ZW10: variants seen among roughly 807,000 people sequenced by gnomAD.
The protein encoded by ZW10 is centromere/kinetochore protein zw10 homolog.
ZW10 carries 53 observed loss-of-function variants against 87.8 expected under a neutral mutation model. That is an observed-to-expected ratio of 0.60 (90% CI 0.48 to 0.76). ZW10 has a LOEUF of 0.76. Among genes scored for constraint, ZW10 ranks in the 30% least tolerant of loss-of-function variants. ZW10 has a pLI of 0.00. For missense variants in ZW10, 837 were observed against 923.0 expected, an observed-to-expected ratio of 0.91 and a Z score of 1.21; for synonymous variants, 312 against 329.2, an observed-to-expected ratio of 0.95 and a Z score of 0.57.
At chr11:113,760,962 C>G (rs757070329) in intron 2 of ZW10, 44 bp from the exon 3 acceptor site, 64 of 1,493,342 alleles carry the variant, frequency 4.3e-5, no homozygotes, top group Non-Finnish European at 5.8e-5. Context: ...CTATACCATA[C>G]CTAAGAAATA....
In ZW10 at chr11:113,748,251, C is replaced by T; in HGVS notation, c.1089+6G>A. The T allele has an allele frequency of 6.2e-7, 1 of 1,607,152 alleles. No individual in the cohort carries two copies. The highest frequency in any genetic ancestry group is 8.5e-7 in the Non-Finnish European group (1 of 1,177,984). On this transcript the variant is annotated splice_donor_region_variant and intron_variant, in intron 8 of 15. Transcript: ENST00000200135. ...TAAAACCTTCTGTGCTGTCTGGGCT[C>T]TTTACCTCTTCATATTGCTGTAATT...
At chr11:113,739,681 T>C (rs150127789) in intron 11 of ZW10, among the ~76,000 whole-genome samples, 1 of 152,312 alleles carries the variant, frequency 6.6e-6, no homozygotes. Flanking sequence ...CTATGCATAA[T>C]AATGTCCTTG....
At chr11:113,736,274 C>CA (rs113525581) in intron 15 of ZW10, among the ~76,000 whole-genome samples, 69 of 136,430 alleles carry the variant, frequency 5.1e-4, no homozygotes, top group East Asian at 1.1e-3. Context: ...GACCATGTCT[C>CA]AAAAAAAAAA....
chr11:113,738,515 GATA>G, intron 12 of ZW10, 121 bp from the exon 13 acceptor site: 1 of 940,628 alleles, frequency 1.1e-6, no homozygotes, highest in Non-Finnish European at 1.5e-6. Flanking sequence ...ATAATTGCTA[GATA>G]ATATCATAAA....
In ZW10 at chr11:113,760,578, T is replaced by C. The variant is rs771093818; in HGVS notation, c.355A>G (p.Ile119Val). 3 of 1,612,222 alleles carry C rather than the reference T, an allele frequency of 1.9e-6. No individual in the cohort carries two copies. Among genetic ancestry groups the C allele is most frequent in the Non-Finnish European group, 2.5e-6 (3 of 1,178,878 alleles). ...LKQLQEFSTA[I>V]EEYNCALTEK... is the part of the protein sequence containing the mutation. ...GTTAATGCACAATTATATTCTTCAA[T>C]AGCAGTGGAAAACTGAAAAGTTAAG... The change falls in exon 4 of 16, where the codon ATT becomes GTT. Residue 119 changes from isoleucine (I) to valine (V), a missense_variant. Ile to Val is a conservative substitution (Grantham distance 29, BLOSUM62 3). Transcript: ENST00000200135.
chr11:113,733,953 T>C, intron 15 of ZW10, 139 bp from the exon 16 acceptor site: 1 of 1,023,944 alleles, frequency 9.8e-7, no homozygotes, highest in Non-Finnish European at 1.4e-6. Context: ...TCCTCTTCTT[T>C]ATAGAACTGC....
At chr11:113,756,384 A>G (rs1953785946) in intron 7 of ZW10, among the ~76,000 whole-genome samples, 1 of 152,244 alleles carries the variant, frequency 6.6e-6, no homozygotes, top group Non-Finnish European at 1.5e-5. Context: ...CAGCAACTGT[A>G]AAGAATTTGA....
intron 3 of ZW10, 97 bp downstream of exon 3, chr11:113,760,720 A>G: frequency 8.6e-7 from 1 of 1,168,750 alleles, no homozygotes; most frequent in South Asian, 1.4e-5. Flanking sequence ...AAAAAAAAAT[A>G]TGAAGACAAA....
intron 11 of ZW10, 104 bp from the exon 12 acceptor site, chr11:113,739,486 T>A: frequency 9.6e-7 from 1 of 1,046,806 alleles, no homozygotes; most frequent in South Asian, 1.8e-5. Context: ...CTTTAATAAC[T>A]GTCTAGTTTC....
chr11:113,768,118 T>C (rs780426226), intron 2 of ZW10, among the ~76,000 whole-genome samples: 1 of 152,250 alleles, frequency 6.6e-6, no homozygotes, highest in Non-Finnish European at 1.5e-5. Flanking sequence ...ACCTTTTAAG[T>C]GCAGAATAAA....
chr11:113,745,246 AATAAT>A (rs1407452678), intron 9 of ZW10, among the ~76,000 whole-genome samples: 6 of 152,120 alleles, frequency 3.9e-5, no homozygotes, highest in Non-Finnish European at 5.9e-5. Flanking sequence ...CTGTAAAATA[AATAAT>A]ATACTAATAA....
chr11:113,760,475 G>C, intron 4 of ZW10, 38 bp downstream of exon 4: 3 of 1,603,574 alleles, frequency 1.9e-6, no homozygotes, highest in East Asian at 2.2e-5. Context: ...AACAAGAAGA[G>C]CACTTATTGC....
rs115801683 is a variant in ZW10 at position 113,751,222 on chromosome 11, C to T, written c.926-2802G>A. The stretch of plus-strand genomic sequence containing the variant: ...CAGACCATGCTGGCTTGAGCAGACA[C>T]GACAAAAGCGAGAATCCTGGCTGAA... On this transcript the variant is annotated intron_variant, in intron 7 of 15. Transcript: ENST00000200135. The T allele has an allele frequency of 4.0e-3, 1,163 of 293,346 alleles. 12 individuals carry two copies. The highest frequency in any genetic ancestry group is 0.024 in the African/African-American group (1,093 of 45,852). The allele number at this position is 293,346 out of a possible 1,614,324, so 18.2% of individuals were successfully genotyped here. A position where few individuals can be genotyped will look rare whatever the true frequency, so the allele number is the denominator to read the frequency against.
intron 5 of ZW10, 121 bp from the exon 6 acceptor site, chr11:113,758,827 A>G: frequency 1.1e-6 from 1 of 904,016 alleles, no homozygotes; most frequent in South Asian, 1.8e-5. Context: ...CTCCTAATGC[A>G]ACCAAATATG....
chr11:113,740,804 A>C (rs542373970), intron 11 of ZW10, among the ~76,000 whole-genome samples: 1 of 152,332 alleles, frequency 6.6e-6, no homozygotes, highest in Admixed American at 6.5e-5. Context: ...CTGTGTTTTA[A>C]CAAGACTTCC....
intron 2 of ZW10, among the ~76,000 whole-genome samples, chr11:113,765,218 G>A (rs1015275267): frequency 1.3e-5 from 2 of 152,164 alleles, no homozygotes; most frequent in African/African-American, 4.8e-5. Flanking sequence ...CATTCCCATG[G>A]CTTCAATTAC....
chr11:113,760,823 C>A lies in ZW10; in HGVS notation c.336G>T (p.Leu112Phe). 6.2e-7 allele frequency: 1 copy of A among 1,613,844 alleles called. No individual in the cohort carries two copies. The highest frequency in any genetic ancestry group is 8.5e-7 in the Non-Finnish European group (1 of 1,179,888). Reference protein sequence around the residue: ...DSVVLSLLKQLQEFSTAIEEY... With the variant: ...DSVVLSLLKQFQEFSTAIEEY... The stretch of plus-strand genomic sequence containing the variant: ...TCAAGTTGAGTTTACTGACCTCCTG[C>A]AACTGTTTAAGCAAACTTAGGACAA... Residue 112 changes from leucine to phenylalanine, a missense_variant, in exon 3 of 16, where the codon TTG becomes TTT. Physicochemically the swap from Leu to Phe is conservative, Grantham distance 22. Transcript: ENST00000200135.
At chr11:113,762,682 T>A (rs916551632) in intron 2 of ZW10, among the ~76,000 whole-genome samples, 10 of 152,042 alleles carry the variant, frequency 6.6e-5, no homozygotes, top group Admixed American at 5.9e-4. Context: ...CATGCCCAGC[T>A]AATTTTTGTA....
rs368160460 is a variant in ZW10 at position 113,747,548 on chromosome 11, T to C, written c.1255A>G (p.Ile419Val). 8.7e-6 allele frequency: 14 copies of C among 1,612,550 alleles called. No individual in the cohort carries two copies. The highest frequency in any genetic ancestry group is 1.2e-5 in the Non-Finnish European group (14 of 1,179,048). Residue 419 changes from isoleucine to valine, a missense_variant, in exon 9 of 16, where the codon ATT (isoleucine) becomes GTT (valine). By Grantham distance (29) the Ile-to-Val change is conservative. Transcript: ENST00000200135. ...VAARNLMTSEIHNTVKIIPDS... is the reference protein window; with the variant it reads ...VAARNLMTSEVHNTVKIIPDS... ...ACTGGTACCTTCACAGTGTTATGAA[T>C]TTCTGAGGTCATTAGATTTCTGGCT...
Sources: allele counts gnomAD v4.1 joint callset (sites outside exome capture counted in the v4.1 genomes callset), GRCh38; gene constraint gnomAD v4.1.1; transcripts MANE v1.5; gene names NCBI Gene and HGNC (gene_info 2026-07-23, HGNC 2026-07-21).